The following SEC11C variants were observed in gnomAD, a reference collection of about 807,000 sequenced individuals.
The protein encoded by SEC11C is SEC11 homolog C, signal peptidase complex subunit, also known as signal peptidase complex catalytic subunit SEC11C.
A neutral mutation model predicts 21.9 loss-of-function variants in SEC11C; 10 were observed. That is an observed-to-expected ratio of 0.46 (90% CI 0.28 to 0.77). The LOEUF is 0.77. SEC11C is among the 30% of genes least tolerant of loss of function. The pLI, the probability that SEC11C is intolerant of heterozygous loss-of-function variation, is 0.12. For missense variants in SEC11C, 145 were observed against 244.5 expected (o/e 0.59, Z 2.71); for synonymous variants, 83 against 85.6 (o/e 0.97, Z 0.17).
chr18:59,153,094 G>GTAATATTAGTCC (rs2069377570), intron 3 of SEC11C: 1 of 154,986 alleles, frequency 6.5e-6, no homozygotes, highest in Non-Finnish European at 1.4e-5. Flanking sequence ...TTGGGCCAAA[G>GTAATATTAGTCC]TGGCATTTTC....
intron 1 of SEC11C, among the ~76,000 whole-genome samples, chr18:59,148,759 G>A (rs759551535): frequency 3.9e-5 from 6 of 151,992 alleles, no homozygotes; most frequent in Non-Finnish European, 7.4e-5. Flanking sequence ...GACTACAGGC[G>A]CCCACCGCCA....
intron 2 of SEC11C, among the ~76,000 whole-genome samples, chr18:59,151,847 A>T (rs1242355425): frequency 2.6e-5 from 4 of 152,218 alleles, no homozygotes; most frequent in African/African-American, 9.6e-5. Context: ...ATGAATTTTT[A>T]AAATTTCAGC....
intron 1 of SEC11C, among the ~76,000 whole-genome samples, chr18:59,141,446 CT>C (rs1213013994): frequency 2.0e-5 from 3 of 152,170 alleles, no homozygotes; most frequent in Admixed American, 2.0e-4. Context: ...AAAATTGGTA[CT>C]GATTACTGAT....
chr18:59,149,981 CAG>C (rs1394026678), intron 2 of SEC11C, among the ~76,000 whole-genome samples: 1 of 151,730 alleles, frequency 6.6e-6, no homozygotes, highest in African/African-American at 2.4e-5. Context: ...ACCAAACAGG[CAG>C]AGAGAGCCTG....
intron 1 of SEC11C, among the ~76,000 whole-genome samples, chr18:59,148,197 G>A (rs2069300766): frequency 6.6e-6 from 1 of 152,208 alleles, no homozygotes; most frequent in Non-Finnish European, 1.5e-5. Context: ...AACAACTGCA[G>A]GATTGTGAAG....
intron 3 of SEC11C, among the ~76,000 whole-genome samples, chr18:59,154,431 G>T (rs935353843): frequency 1.3e-5 from 2 of 152,078 alleles, no homozygotes; most frequent in African/African-American, 4.8e-5. Flanking sequence ...CTTACTGAAA[G>T]AAGACCCTCT....
intron 1 of SEC11C, 55 bp downstream of exon 1, chr18:59,140,090 G>A: frequency 2.1e-6 from 3 of 1,454,654 alleles, no homozygotes; most frequent in Non-Finnish European, 2.8e-6. Context: ...TGCTAGCGGG[G>A]AGTCGGGGCT....
intron 1 of SEC11C, among the ~76,000 whole-genome samples, chr18:59,148,690 T>C (rs1018596010): frequency 2.8e-4 from 43 of 151,966 alleles, no homozygotes; most frequent in African/African-American, 9.9e-4. Flanking sequence ...CACGGCTCAC[T>C]GCAAGCTCTG....
chr18:59,155,313 C>G (rs892921669), intron 3 of SEC11C, among the ~76,000 whole-genome samples: 4 of 152,232 alleles, frequency 2.6e-5, no homozygotes, highest in African/African-American at 9.6e-5. Context: ...ATGAATGACA[C>G]TAATACACTT....
At position 59,150,355 on chromosome 18, in the gene SEC11C, G is replaced by A. The variant is rs145232009; in HGVS notation, c.197+733G>A. Among the ~76,000 whole-genome samples, 574 of 152,328 alleles carry A rather than the reference G, an allele frequency of 3.8e-3. 2 individuals are homozygous for A. Among genetic ancestry groups the A allele is most frequent in the African/African-American group, 0.013 (524 of 41,568 alleles). On this transcript the variant is annotated intron_variant, in intron 2 of 5. Coordinates refer to ENST00000587834, the MANE Select transcript of SEC11C (RefSeq NM_033280.4). ...GCAGGAGTTGAGGCTAGAACACAGG[G>A]CTCTTAGCTCCCAAACCAGTGCCCT...
intron 3 of SEC11C, among the ~76,000 whole-genome samples, chr18:59,153,717 A>ATTTT: frequency 7.2e-6 from 1 of 139,584 alleles, no homozygotes; most frequent in African/African-American, 2.6e-5. Flanking sequence ...TGCCTGGCTA[A>ATTTT]TTTTTTTTTT....
intron 1 of SEC11C, among the ~76,000 whole-genome samples, chr18:59,149,278 A>C (rs1306337185): frequency 2.0e-5 from 3 of 152,230 alleles, no homozygotes; most frequent in Non-Finnish European, 4.4e-5. Flanking sequence ...TTAACAAGAC[A>C]AACCTCACAG....
rs1012779670 is a variant in SEC11C, at chr18:59,152,777, T to A, written c.347+92T>A. The A allele has an allele frequency of 1.9e-4, 211 of 1,140,254 alleles. 2 individuals are homozygous for A. The highest frequency in any genetic ancestry group is 1.5e-4 in the Non-Finnish European group (126 of 813,072). The allele number at this position is 1,140,254 out of a possible 1,614,324, so 70.6% of individuals were successfully genotyped here. ...AACTAGTAAAAGCACTGGATTATGT[T>A]CTGAGTTCTGCCATTGACTCACTGG... is the stretch of plus-strand genomic sequence containing the variant. On this transcript the variant is annotated intron_variant, in intron 3 of 5. Transcript: ENST00000587834.
intron 1 of SEC11C, among the ~76,000 whole-genome samples, chr18:59,145,459 G>T (rs745909911): frequency 6.6e-6 from 1 of 152,226 alleles, no homozygotes; most frequent in Non-Finnish European, 1.5e-5. Context: ...TAAACTAAGG[G>T]GTTCAGGGAG....
At position 59,158,250 on chromosome 18, in the gene SEC11C, T is replaced by C. The variant is rs181579957; in HGVS notation, c.526-382T>C. 3.8e-3 allele frequency among the ~76,000 whole-genome samples: 574 copies of C among 152,200 alleles called. 2 individuals are homozygous for C. The highest frequency in any genetic ancestry group is 0.013 in the African/African-American group (523 of 41,504). On this transcript the variant is annotated intron_variant, in intron 5 of 5. Coordinates refer to ENST00000587834, the MANE Select transcript of SEC11C (RefSeq NM_033280.4). ...TCTGTATTTTTAGTAGAGACGGGGT[T>C]TTGCCATGTTGCACAGCCTGGTCTC...
chr18:59,158,633 A>G lies in SEC11C; in HGVS notation c.527A>G (p.Tyr176Cys), dbSNP rs761459079. 3 of 1,613,744 alleles carry G rather than the reference A, an allele frequency of 1.9e-6. No homozygotes were observed. The highest frequency in any genetic ancestry group is 2.5e-6 in the Non-Finnish European group (3 of 1,179,690). Residue 176 changes from tyrosine to cysteine, a missense_variant and splice_region_variant, in exon 6 of 6, where the codon TAT (tyrosine) becomes TGT (cysteine). Tyr to Cys is a radical substitution (Grantham distance 194, BLOSUM62 -2). Transcript: ENST00000587834. ...IIMNDYPKFKYALLAVMGAYV... is the reference protein window; with the variant it reads ...IIMNDYPKFKCALLAVMGAYV... ...TTTTCCATTGTGTTTTCTTTCCAGT[A>G]TGCTCTTTTGGCTGTAATGGGTGCA...
At position 59,155,639 on chromosome 18, in the gene SEC11C, G is replaced by A. The variant is rs768873817; in HGVS notation, c.348-49G>A. Reference sequence around the variant, plus strand: ...TGAGTAAACTAATATTTTTGTTAATGATGCTGTGCTGAAAATAATTTTTGA... The same window carrying A: ...TGAGTAAACTAATATTTTTGTTAATAATGCTGTGCTGAAAATAATTTTTGA... On this transcript the variant is annotated intron_variant, in intron 3 of 5. Transcript: ENST00000587834. 9.5e-6 allele frequency: 15 copies of A among 1,583,478 alleles called. No homozygotes were observed. The African/African-American group carries it at 1.9e-4, about 20-fold the overall frequency.
chr18:59,150,930 A>T (rs895900581), intron 2 of SEC11C, among the ~76,000 whole-genome samples: 4 of 152,234 alleles, frequency 2.6e-5, no homozygotes, highest in South Asian at 2.1e-4. Context: ...ACTTGCACAC[A>T]GAAGGTAGTG....
chr18:59,151,439 A>G (rs1261395687), intron 2 of SEC11C, among the ~76,000 whole-genome samples: 1 of 151,976 alleles, frequency 6.6e-6, no homozygotes, highest in Non-Finnish European at 1.5e-5. Context: ...CTCTTAAGTC[A>G]GTTGTATTTC....
Sources: gnomAD v4.1 joint callset for allele counts (sites outside exome capture counted in the v4.1 genomes callset) on GRCh38, gnomAD v4.1.1 for gene constraint, MANE v1.5 for transcripts, NCBI Gene and HGNC (gene_info 2026-07-23, HGNC 2026-07-21) for gene names.